SAMD14: variants seen among roughly 807,000 people sequenced by gnomAD.
SAMD14 encodes the protein sterile alpha motif domain containing 14.
A neutral mutation model predicts 46.2 loss-of-function variants in SAMD14; 27 were observed. That is an observed-to-expected ratio of 0.58 (90% CI 0.43 to 0.81). The LOEUF is 0.81. Ranked by LOEUF, SAMD14 falls within the 30% of genes least tolerant of loss-of-function variation. SAMD14 has a pLI of 0.00. For missense variants in SAMD14, 559 were observed against 582.2 expected, an observed-to-expected ratio of 0.96 and a Z score of 0.41; for synonymous variants, 241 against 254.3, an observed-to-expected ratio of 0.95 and a Z score of 0.50.
rs1477728942 is a variant in SAMD14, at chr17:50,110,955, C to T, written c.*1938G>A. ...TTAGTTTTATAACCCTGAATGCCCCCACCCTTCCCCTAAGCACACAGGGGT... is the reference window on the plus strand; with the variant it reads ...TTAGTTTTATAACCCTGAATGCCCCTACCCTTCCCCTAAGCACACAGGGGT... On this transcript the variant is annotated 3_prime_UTR_variant, in exon 10 of 10. Transcript: ENST00000330175. 1 of 152,274 alleles carries T rather than the reference C, an allele frequency of 6.6e-6. No homozygotes were observed. Among genetic ancestry groups the T allele is most frequent in the Non-Finnish European group, 1.5e-5 (1 of 68,074 alleles). The allele number at this position is 152,274 out of a possible 1,614,324, so 9.4% of individuals were successfully genotyped here.
chr17:50,116,056 G>C lies in SAMD14; in HGVS notation c.534C>G (p.Ala178=), dbSNP rs777947148. The change falls in exon 5 of 10, where the codon GCC becomes GCG. Residue 178 remains alanine (A), a synonymous_variant. Transcript: ENST00000330175. ...TCTTATCGAGGCCGATGGTGGGGCT[G>C]GCGGGCTCAGGAGGACTGGCGTCAC... ...DSRDASPPEP[A]SPTIGLDKKT... is the part of the protein sequence containing the mutation. 5 of 1,613,916 alleles carry C rather than the reference G, an allele frequency of 3.1e-6. No individual in the cohort carries two copies. In the African/African-American group the frequency reaches 4.0e-5, roughly 13 times the overall value.
Position 50,112,592 on chromosome 17 carries a change from C to G in SAMD14, c.*301G>C. The G allele has an allele frequency of 3.8e-6, 1 of 263,034 alleles. No homozygotes were observed. Among genetic ancestry groups the G allele is most frequent in the Admixed American group, 5.2e-5 (1 of 19,162 alleles). 16.3% of individuals were successfully genotyped at this position (263,034 alleles called of 1,614,324 possible). On this transcript the variant is annotated 3_prime_UTR_variant, in exon 10 of 10. Transcript: ENST00000330175. ...GCAATGGGACAGCCTGACCCAGCCTCCCAGACTTGCCTCAGCCCTGGCCTC... is the reference window on the plus strand; with the variant it reads ...GCAATGGGACAGCCTGACCCAGCCTGCCAGACTTGCCTCAGCCCTGGCCTC...
chr17:50,122,595 C>T (rs1307626697), intron 2 of SAMD14, among the ~76,000 whole-genome samples: 1 of 152,176 alleles, frequency 6.6e-6, no homozygotes, highest in African/African-American at 2.4e-5. Context: ...TTTTGTCTGG[C>T]TTGTTCTTTG....
At position 50,110,381 on chromosome 17, in the gene SAMD14, GTCC is replaced by G; in HGVS notation, c.*2509_*2511del. 3.4e-6 allele frequency: 1 copy of G among 290,726 alleles called. No individual in the cohort carries two copies. Among genetic ancestry groups the G allele is most frequent in the East Asian group, 5.9e-5 (1 of 16,814 alleles). The allele number at this position is 290,726 out of a possible 1,614,324, so 18.0% of individuals were successfully genotyped here. On this transcript the variant is annotated 3_prime_UTR_variant, in exon 10 of 10. Transcript: ENST00000330175. ...GTCCCAGAGACATTTTCCCATGGCA[GTCC>G]TCCTCTCTGAGACCAGGGCTGTCAC...
rs894488628 is a variant in SAMD14, at chr17:50,128,370, G to A, written c.-13+1147C>T. On this transcript the variant is annotated intron_variant, in intron 1 of 9. Coordinates refer to ENST00000330175, the MANE Select transcript of SAMD14 (RefSeq NM_001257359.2). ...GGGGACCCTCCCTACATTGTGTCCA[G>A]GGGGTCACCAGACCCCTCCCACCCA... Among the ~76,000 whole-genome samples, 7 of 151,846 alleles carry A rather than the reference G, an allele frequency of 4.6e-5. No homozygotes were observed. The East Asian group carries it at 1.4e-3, about 29-fold the overall frequency.
chr17:50,117,850 T>A, intron 3 of SAMD14, 155 bp from the exon 4 acceptor site: 1 of 803,986 alleles, frequency 1.2e-6, no homozygotes, highest in African/African-American at 1.8e-5. Flanking sequence ...GGCTGGAGAG[T>A]GAGAGGTGGG....
chr17:50,117,483 C>A lies in SAMD14; in HGVS notation c.423G>T (p.Pro141=). The A allele has an allele frequency of 7.0e-7, 1 of 1,422,988 alleles. No homozygotes were observed. The allele number at this position is 1,422,988 out of a possible 1,614,324, so 88.1% of individuals were successfully genotyped here. The change falls in exon 4 of 10, where the codon CCG becomes CCT. Residue 141 remains proline, a synonymous_variant. Transcript: ENST00000330175. ...TGTCGGAGGAGGGCGCGGAGCGCGG[C>A]GGAGAGCAGGAGGCGGCGGCCAGGC... ...HEGLAAASCS[P]PRSAPSSDSS... is the part of the protein sequence containing the mutation.
At chr17:50,123,637 A>G in intron 2 of SAMD14, 1 of 169,252 alleles carries the variant, frequency 5.9e-6, no homozygotes, top group Non-Finnish European at 1.3e-5. Flanking sequence ...TCCAGCTTCT[A>G]TCTCTTCCCT....
rs371076386 is a variant in SAMD14, at chr17:50,113,000, A to G, written c.1147T>C (p.Leu383=). Residue 383 remains leucine, a synonymous_variant, in exon 10 of 10, where the codon TTG becomes CTG. Coordinates refer to ENST00000330175, the MANE Select transcript of SAMD14 (RefSeq NM_001257359.2). ...SHDRALVKRK[L]KEMAAAAEKE... The stretch of plus-strand genomic sequence containing the variant: ...TCGGCAGCTGCTGCCATCTCCTTCA[A>G]CTTGCGCTTCACCAGTGCCCGGTCA... The G allele has an allele frequency of 1.3e-5, 21 of 1,612,006 alleles. No individual in the cohort carries two copies. The African/African-American group carries it at 2.4e-4, about 18-fold the overall frequency.
In SAMD14 at chr17:50,115,680, G is replaced by A. The variant is rs569464230; in HGVS notation, c.706C>T (p.Leu236=). Residue 236 remains leucine, a synonymous_variant, in exon 7 of 10, where the codon CTG becomes TTG. Coordinates refer to ENST00000330175, the MANE Select transcript of SAMD14 (RefSeq NM_001257359.2). This position sits in a 1 kb window ranked among gnomAD's most constrained non-coding sequence, Gnocchi z 5.3. ...GSGRSGGSPF[L]PFSWFTDSGK... ...CTGTCCGTGAACCAGGAAAAAGGCAGGAACGGGGAGCCCCCTGACCTGCCG... is the reference window on the plus strand; with the variant it reads ...CTGTCCGTGAACCAGGAAAAAGGCAAGAACGGGGAGCCCCCTGACCTGCCG... The A allele has an allele frequency of 6.2e-7, 1 of 1,607,634 alleles. No individual in the cohort carries two copies.
chr17:50,114,653 G>A (rs368559513), intron 7 of SAMD14: 2 of 524,196 alleles, frequency 3.8e-6, no homozygotes, highest in African/African-American at 2.0e-5. Context: ...CCTGGCCTTA[G>A]TACCCCAGCT....
intron 9 of SAMD14, chr17:50,113,664 G>T (rs1911000309): frequency 3.9e-6 from 2 of 517,874 alleles, no homozygotes; most frequent in Non-Finnish European, 7.0e-6. Context: ...TCAGCCTGGA[G>T]ACCAGGGCTG....
rs1488483370 is a variant in SAMD14 at position 50,118,216 on chromosome 17, C to T, written c.155G>A (p.Arg52Gln). Residue 52 changes from arginine (R) to glutamine (Q), a missense_variant, in exon 3 of 10, where the codon CGG (arginine) becomes CAG (glutamine). By Grantham distance (43) the Arg-to-Gln change is conservative. Transcript: ENST00000330175. The part of the protein sequence containing the change: ...RRHRPSRSRL[R>Q]DSASSAEDGE... ...ATCCTCCGCGGAGCTGGCACTGTCC[C>T]GAAGCCTGGAGCGGGATGGCCGGTG... is the stretch of plus-strand genomic sequence containing the variant. The T allele has an allele frequency of 2.5e-6, 4 of 1,613,558 alleles. No homozygotes were observed. Among genetic ancestry groups the T allele is most frequent in the Admixed American group, 3.3e-5 (2 of 59,948 alleles).
At chr17:50,113,844 G>A in intron 9 of SAMD14, 80 bp downstream of exon 9, 1 of 1,563,202 alleles carries the variant, frequency 6.4e-7, no homozygotes, top group Non-Finnish European at 8.8e-7. Context: ...GAGGGTCAAA[G>A]GTCAGGATGA....
At position 50,117,698 on chromosome 17, in the gene SAMD14, G is replaced by C; in HGVS notation, c.211-3C>G. 7.0e-7 allele frequency: 1 copy of C among 1,438,792 alleles called. No homozygotes were observed. The highest frequency in any genetic ancestry group is 9.1e-7 in the Non-Finnish European group (1 of 1,101,986). 89.1% of individuals were successfully genotyped at this position (1,438,792 alleles called of 1,614,324 possible). On this transcript the variant is annotated splice_region_variant and splice_polypyrimidine_tract_variant and intron_variant, in intron 3 of 9. Coordinates refer to ENST00000330175, the MANE Select transcript of SAMD14 (RefSeq NM_001257359.2). ...GGGCTCCCGCAGCCATCGGTCACCT[G>C]GACGAGGGGGCAGCCGCTCACCGAG...
intron 2 of SAMD14, among the ~76,000 whole-genome samples, chr17:50,119,004 C>T (rs765372819): frequency 6.6e-6 from 1 of 152,222 alleles, no homozygotes; most frequent in South Asian, 2.1e-4. Flanking sequence ...ACTGGCCCTA[C>T]TGGGGACACT....
chr17:50,118,049 A>C lies in SAMD14; in HGVS notation c.210+112T>G, dbSNP rs549413841. 2 of 1,168,676 alleles carry C rather than the reference A, an allele frequency of 1.7e-6. 1 individual carries two copies. The highest frequency in any genetic ancestry group is 5.4e-5 in the Admixed American group (2 of 36,952). 72.4% of individuals were successfully genotyped at this position (1,168,676 alleles called of 1,614,324 possible). Reference sequence around the variant, plus strand: ...TAACACTTGGCAGCATTACTAGGTCAGGAGTCTGGGGATGTGGTTTCCCTG... The same window carrying C: ...TAACACTTGGCAGCATTACTAGGTCCGGAGTCTGGGGATGTGGTTTCCCTG... On this transcript the variant is annotated intron_variant, in intron 3 of 9. Transcript: ENST00000330175.
In SAMD14 at chr17:50,115,736, T is replaced by C. The variant is rs755661630; in HGVS notation, c.663-13A>G. ...CTCCACTGACTCCCTGCAGAGAGAGTGTCCAGCATGGGTGTGGGTACAGAG... is the reference window on the plus strand; with the variant it reads ...CTCCACTGACTCCCTGCAGAGAGAGCGTCCAGCATGGGTGTGGGTACAGAG... On this transcript the variant is annotated splice_polypyrimidine_tract_variant and intron_variant, in intron 6 of 9. Coordinates refer to ENST00000330175, the MANE Select transcript of SAMD14 (RefSeq NM_001257359.2). The surrounding 1 kb of genome is among the most constrained non-coding windows in gnomAD (Gnocchi z 5.3). 7 of 1,608,224 alleles carry C rather than the reference T, an allele frequency of 4.4e-6. No individual in the cohort carries two copies. In the South Asian group the frequency reaches 5.5e-5, roughly 13 times the overall value.
intron 1 of SAMD14, chr17:50,125,306 C>CCTG: frequency 3.6e-6 from 1 of 278,426 alleles, no homozygotes; most frequent in Non-Finnish European, 6.9e-6. Context: ...TGTCTTGGGC[C>CCTG]TTCGCATCAT....
Sources: allele counts gnomAD v4.1 joint callset (sites outside exome capture counted in the v4.1 genomes callset), GRCh38; gene constraint gnomAD v4.1.1; non-coding constraint Gnocchi (gnomAD v3.1); transcripts MANE v1.5; gene names NCBI Gene and HGNC (gene_info 2026-07-23, HGNC 2026-07-21).